LRP1B: variants seen among roughly 807,000 people sequenced by gnomAD.
LRP1B encodes LDL receptor related protein 1B, also known as low-density lipoprotein receptor-related protein 1B.
A neutral mutation model predicts 556.6 loss-of-function variants in LRP1B; 217 were observed. The observed-to-expected ratio is 0.39, with a 90% CI of 0.35 to 0.44. LRP1B has a LOEUF of 0.44. Ranked by LOEUF, LRP1B falls within the 20% of genes least tolerant of loss-of-function variation. The probability of loss-of-function intolerance (pLI) is 1.00; values close to 1 mark genes in which losing one functional copy is unlikely to be tolerated. For missense variants in LRP1B, 5,053 were observed against 5,620.8 expected, an observed-to-expected ratio of 0.90 and a Z score of 3.23; for synonymous variants, 2,047 against 1,865.8, an observed-to-expected ratio of 1.10 and a Z score of -2.50.
intron 7 of LRP1B, among the ~76,000 whole-genome samples, chr2:141,101,000 G>T (rs1041837925): frequency 5.3e-5 from 8 of 151,982 alleles, no homozygotes; most frequent in African/African-American, 1.7e-4. Flanking sequence ...GAGGTAAGAG[G>T]GGGTAGACAA....
At chr2:141,100,077 T>C (rs939838776) in intron 7 of LRP1B, among the ~76,000 whole-genome samples, 1 of 152,182 alleles carries the variant, frequency 6.6e-6, no homozygotes, top group African/African-American at 2.4e-5. Flanking sequence ...CAAGATCTCT[T>C]ATCCTGGATT....
At chr2:141,725,953 T>G (rs1305286228) in intron 2 of LRP1B, among the ~76,000 whole-genome samples, 1 of 151,892 alleles carries the variant, frequency 6.6e-6, no homozygotes, top group Non-Finnish European at 1.5e-5. Flanking sequence ...ATAAGGTATT[T>G]GTATGTCAAT....
intron 2 of LRP1B, among the ~76,000 whole-genome samples, chr2:141,559,910 C>G (rs544025517): frequency 1.3e-5 from 2 of 151,626 alleles, no homozygotes; most frequent in Admixed American, 6.6e-5. Flanking sequence ...AGAAACAAAT[C>G]GTTTCATCCA....
chr2:141,312,151 C>T (rs757389408), intron 3 of LRP1B, among the ~76,000 whole-genome samples: 20 of 152,098 alleles, frequency 1.3e-4, no homozygotes, highest in Non-Finnish European at 2.6e-4. Context: ...ACAAAGTGTG[C>T]CTGGCTGTCC....
Position 141,254,610 on chromosome 2 carries a change from A to G in LRP1B, c.375T>C (p.Cys125=), listed in dbSNP as rs764566827. ...TTCTGACCATTGTACATTTATACTG[A>G]CAATTCAGCTGTTGGCAATTGGATA... The part of the protein sequence containing the change: ...ELLSNCQQLN[C]QYKCTMVRNS... Residue 125 remains cysteine, a synonymous_variant, in exon 4 of 91, where the codon TGT becomes TGC. Coordinates refer to ENST00000389484, the MANE Select transcript of LRP1B (RefSeq NM_018557.3). 11 of 1,610,994 alleles carry G rather than the reference A, an allele frequency of 6.8e-6. No homozygotes were observed. The highest frequency in any genetic ancestry group is 8.5e-7 in the Non-Finnish European group (1 of 1,178,008).
chr2:141,248,710 T>C (rs999484711), intron 4 of LRP1B, among the ~76,000 whole-genome samples: 1 of 152,172 alleles, frequency 6.6e-6, no homozygotes, highest in African/African-American at 2.4e-5. Flanking sequence ...CATTACACAT[T>C]GGCATTGGGA....
At chr2:140,492,224 A>G (rs1444134649) in intron 57 of LRP1B, among the ~76,000 whole-genome samples, 1 of 152,198 alleles carries the variant, frequency 6.6e-6, no homozygotes, top group Non-Finnish European at 1.5e-5. Flanking sequence ...TATTATAAAA[A>G]GCAGTGGAGG....
chr2:140,387,865 ACT>A (rs1683830100), intron 66 of LRP1B, among the ~76,000 whole-genome samples: 1 of 151,452 alleles, frequency 6.6e-6, no homozygotes, highest in Non-Finnish European at 1.5e-5. Flanking sequence ...GTTATAATAA[ACT>A]CTAAAAATAC....
intron 7 of LRP1B, among the ~76,000 whole-genome samples, chr2:141,172,116 T>A (rs920715164): frequency 1.3e-5 from 2 of 152,226 alleles, no homozygotes; most frequent in South Asian, 2.1e-4. Flanking sequence ...TTACTTGATA[T>A]CACATATGAG....
chr2:141,654,074 C>G (rs980358467), intron 2 of LRP1B, among the ~76,000 whole-genome samples: 2 of 152,044 alleles, frequency 1.3e-5, no homozygotes, highest in Admixed American at 1.3e-4. Flanking sequence ...AGAAACACTA[C>G]TAAGAATTAG....
rs139310209 is a variant in LRP1B at position 140,823,912 on chromosome 2, C to A, written c.5210-10106G>T. ...GAACTCATGACCACAAAGAAGGGAA[C>A]AACAGACACTGGATTCTACTTGAGG... is the stretch of plus-strand genomic sequence containing the variant. On this transcript the variant is annotated intron_variant, in intron 31 of 90. Coordinates refer to ENST00000389484, the MANE Select transcript of LRP1B (RefSeq NM_018557.3). 3.7e-3 allele frequency among the ~76,000 whole-genome samples: 565 copies of A among 151,740 alleles called. 16 individuals are homozygous for A. Among genetic ancestry groups the A allele is most frequent in the Admixed American group, 0.03 (452 of 15,238 alleles).
chr2:141,539,684 C>G (rs1195472021), intron 2 of LRP1B, among the ~76,000 whole-genome samples: 1 of 152,094 alleles, frequency 6.6e-6, no homozygotes, highest in Admixed American at 6.6e-5. Context: ...GCTTTGAAGA[C>G]CTAAATGTTC....
intron 66 of LRP1B, among the ~76,000 whole-genome samples, chr2:140,397,791 ACT>A (rs1684317431): frequency 6.6e-6 from 1 of 152,156 alleles, no homozygotes; most frequent in African/African-American, 2.4e-5. Context: ...GAAATAAAAT[ACT>A]TTTTATCAAC....
chr2:141,761,191 A>G (rs1234236032), intron 2 of LRP1B, among the ~76,000 whole-genome samples: 1 of 152,190 alleles, frequency 6.6e-6, no homozygotes, highest in Non-Finnish European at 1.5e-5. Flanking sequence ...CTTATCTATT[A>G]TCAGTTGATC....
intron 2 of LRP1B, among the ~76,000 whole-genome samples, chr2:141,595,212 G>A (rs191498687): frequency 2.2e-4 from 34 of 152,116 alleles, no homozygotes; most frequent in African/African-American, 7.9e-4. Flanking sequence ...GTTAAATGTT[G>A]CTTTGTGAAG....
At chr2:141,325,911 A>T (rs1687411512) in intron 3 of LRP1B, among the ~76,000 whole-genome samples, 2 of 152,110 alleles carry the variant, frequency 1.3e-5, no homozygotes, top group Non-Finnish European at 2.9e-5. Flanking sequence ...GGTGAGCTAT[A>T]TGTTTATAAT....
intron 90 of LRP1B, among the ~76,000 whole-genome samples, chr2:140,234,192 G>C (rs1243187136): frequency 6.6e-6 from 1 of 151,204 alleles, no homozygotes; most frequent in East Asian, 2.0e-4. Context: ...ACAGTTGATG[G>C]GAAAGACGAT....
chr2:140,300,974 T>A (rs1316239830), intron 83 of LRP1B, among the ~76,000 whole-genome samples: 1 of 152,152 alleles, frequency 6.6e-6, no homozygotes, highest in East Asian at 1.9e-4. Flanking sequence ...CCAAGGTACT[T>A]AACAGTTTAA....
chr2:141,801,650 A>G (rs1005858478), intron 2 of LRP1B, among the ~76,000 whole-genome samples: 1 of 152,112 alleles, frequency 6.6e-6, no homozygotes, highest in Non-Finnish European at 1.5e-5. Flanking sequence ...TTCAATGAGA[A>G]GTGCTTTTTC....
Sources: gnomAD v4.1 joint callset for allele counts (sites outside exome capture counted in the v4.1 genomes callset) on GRCh38, gnomAD v4.1.1 for gene constraint, MANE v1.5 for transcripts, NCBI Gene and HGNC (gene_info 2026-07-23, HGNC 2026-07-21) for gene names.